The following MMS22L variants were observed in gnomAD, a reference collection of about 807,000 sequenced individuals.
The protein encoded by MMS22L is MMS22 like, DNA repair protein.
MMS22L carries 74 observed loss-of-function variants against 159.1 expected under a neutral mutation model. The ratio of observed to expected loss-of-function variants is 0.47; its 90% confidence interval spans 0.39 to 0.56. MMS22L has a LOEUF of 0.56. Ranked by LOEUF, MMS22L falls within the 20% of genes least tolerant of loss-of-function variation. MMS22L has a pLI of 0.00. For missense variants in MMS22L, 1,351 were observed against 1,422.1 expected (o/e 0.95, Z 0.80); for synonymous variants, 517 against 506.9 (o/e 1.02, Z -0.27).
chr6:97,281,054 C>G (rs1816713737), intron 3 of MMS22L, among the ~76,000 whole-genome samples, 183 bp downstream of exon 3: 1 of 152,128 alleles, frequency 6.6e-6, no homozygotes, highest in African/African-American at 2.4e-5. Context: ...GAAAACGCAA[C>G]TCATTAAAAC....
chr6:97,233,550 C>A (rs1366787852), intron 12 of MMS22L, among the ~76,000 whole-genome samples: 2 of 152,038 alleles, frequency 1.3e-5, no homozygotes, highest in African/African-American at 4.8e-5. Context: ...AGTGCCTGTT[C>A]AATGTGTCAT....
rs78977291 is a variant in MMS22L, at chr6:97,273,373, T to A, written c.341-311A>T. Among the ~76,000 whole-genome samples, 939 of 152,270 alleles carry A rather than the reference T, an allele frequency of 6.2e-3. 16 individuals are homozygous for A. The highest frequency in any genetic ancestry group is 0.021 in the African/African-American group (881 of 41,556). On this transcript the variant is annotated intron_variant, in intron 4 of 24. Transcript: ENST00000683635. ...TTTCTTCCTCATGTATCCTTTGTCC[T>A]ACCTCTTTTATTGGCTCCTCCTCCT... is the stretch of plus-strand genomic sequence containing the variant.
At chr6:97,237,178 G>T (rs1422228269) in intron 11 of MMS22L, among the ~76,000 whole-genome samples, 1 of 152,018 alleles carries the variant, frequency 6.6e-6, no homozygotes, top group Non-Finnish European at 1.5e-5. Flanking sequence ...GGTAGATAAG[G>T]CAAGTAAAAG....
chr6:97,168,092 T>C lies in MMS22L; in HGVS notation c.2988A>G (p.Lys996=). The C allele has an allele frequency of 2.5e-6, 4 of 1,610,628 alleles. No homozygotes were observed. The highest frequency in any genetic ancestry group is 3.4e-6 in the Non-Finnish European group (4 of 1,178,582). ...ATACCTGGAGATACAAAGGAAGACT[T>C]TTCTGAATTGCTGACAACATAGGTG... ...LPAPMLSAIQ[K]SLPLYLQGMC... Residue 996 remains lysine (K), a synonymous_variant, in exon 20 of 25, where the codon AAA becomes AAG. Transcript: ENST00000683635.
chr6:97,214,551 C>T (rs904714648), intron 14 of MMS22L, among the ~76,000 whole-genome samples: 3 of 152,064 alleles, frequency 2.0e-5, no homozygotes, highest in African/African-American at 7.2e-5. Context: ...TTTAAAAAAT[C>T]CATCTACATT....
chr6:97,156,352 T>G lies in MMS22L; in HGVS notation c.3386-4485A>C, dbSNP rs112753702. Among the ~76,000 whole-genome samples the G allele has an allele frequency of 5.1e-3, 779 of 152,342 alleles. 2 individuals are homozygous for G. Among genetic ancestry groups the G allele is most frequent in the Non-Finnish European group, 7.8e-3 (530 of 68,022 alleles). On this transcript the variant is annotated intron_variant, in intron 22 of 24. Transcript: ENST00000683635. ...ATCCCATTTATATATTTGGCTTTTGTTGCCGTTGCTTTTGGTGTTTTAGTC... is the reference window on the plus strand; with the variant it reads ...ATCCCATTTATATATTTGGCTTTTGGTGCCGTTGCTTTTGGTGTTTTAGTC...
chr6:97,231,792 A>G (rs1810902705), intron 12 of MMS22L, 140 bp from the exon 13 acceptor site: 1 of 649,130 alleles, frequency 1.5e-6, no homozygotes, highest in Non-Finnish European at 2.6e-6. Context: ...ACGATTCTCT[A>G]AAATAAAAAT....
At chr6:97,270,995 G>T (rs1039882693) in intron 6 of MMS22L, 2 of 152,050 alleles carry the variant, frequency 1.3e-5, no homozygotes, top group Non-Finnish European at 2.9e-5. Flanking sequence ...TAGAAAGTCA[G>T]CTTACTTGAT....
At chr6:97,160,822 C>T (rs1802366939) in intron 22 of MMS22L, among the ~76,000 whole-genome samples, 1 of 151,786 alleles carries the variant, frequency 6.6e-6, no homozygotes, top group South Asian at 2.1e-4. Context: ...ATTGTATGAT[C>T]TGTATTGATC....
chr6:97,281,537 A>G (rs933056564), intron 2 of MMS22L, among the ~76,000 whole-genome samples, 175 bp from the exon 3 acceptor site: 2 of 152,228 alleles, frequency 1.3e-5, no homozygotes, highest in African/African-American at 2.4e-5. Context: ...TAAAACGTCA[A>G]TCTTCTATAT....
chr6:97,244,176 T>C (rs923637960), intron 11 of MMS22L, among the ~76,000 whole-genome samples: 5 of 152,216 alleles, frequency 3.3e-5, no homozygotes, highest in Non-Finnish European at 5.9e-5. Context: ...GTTGCCGTAA[T>C]GGCTTGAGTT....
At chr6:97,282,028 G>T (rs919274889) in intron 2 of MMS22L, among the ~76,000 whole-genome samples, 1 of 152,186 alleles carries the variant, frequency 6.6e-6, no homozygotes, top group South Asian at 2.1e-4. Context: ...AAAAGGCTCA[G>T]ATAGTTAGGA....
chr6:97,211,771 A>G (rs1808405652), intron 14 of MMS22L, among the ~76,000 whole-genome samples: 1 of 152,186 alleles, frequency 6.6e-6, no homozygotes, highest in South Asian at 2.1e-4. Context: ...CAGTGCTATA[A>G]TAACAATTCA....
intron 13 of MMS22L, chr6:97,230,211 C>G (rs1810706855): frequency 1.3e-5 from 2 of 152,004 alleles, no homozygotes; most frequent in African/African-American, 4.8e-5. Context: ...ATTCTCCTGC[C>G]CCAGCCTCCT....
intron 24 of MMS22L, among the ~76,000 whole-genome samples, chr6:97,149,152 T>C (rs1184043777): frequency 6.6e-6 from 1 of 152,192 alleles, no homozygotes; most frequent in African/African-American, 2.4e-5. Flanking sequence ...TCACAAATGA[T>C]GAAATCGCCT....
chr6:97,267,642 TAAAAAAAAAAA>T, intron 8 of MMS22L: 1 of 191,352 alleles, frequency 5.2e-6, no homozygotes, highest in Non-Finnish European at 9.8e-6. Context: ...CTATTTTTCT[TAAAAAAAAAAA>T]AAAAAAGAAA....
intron 11 of MMS22L, among the ~76,000 whole-genome samples, chr6:97,240,492 C>T (rs1251449217): frequency 6.6e-6 from 1 of 152,198 alleles, no homozygotes; most frequent in Non-Finnish European, 1.5e-5. Context: ...GGTCACCTGA[C>T]CTACTTTTTT....
chr6:97,192,803 C>G (rs1233343357), intron 14 of MMS22L, among the ~76,000 whole-genome samples: 2 of 152,144 alleles, frequency 1.3e-5, no homozygotes, highest in Non-Finnish European at 2.9e-5. Flanking sequence ...TAGCCCTATT[C>G]TAAGTGTTTG....
chr6:97,156,651 C>A (rs1801880473), intron 22 of MMS22L, among the ~76,000 whole-genome samples: 1 of 152,140 alleles, frequency 6.6e-6, no homozygotes, highest in African/African-American at 2.4e-5. Context: ...TCTGAGGCCT[C>A]TGCTCTGTTC....
Sources: allele counts gnomAD v4.1 joint callset (sites outside exome capture counted in the v4.1 genomes callset), GRCh38; gene constraint gnomAD v4.1.1; transcripts MANE v1.5; gene names NCBI Gene and HGNC (gene_info 2026-07-23, HGNC 2026-07-21).